The following HHIPL2 variants were observed in gnomAD, a reference collection of about 807,000 sequenced individuals.
HHIPL2 encodes HHIP like 2, also known as HHIP-like protein 2.
Under a neutral mutation model 61.0 loss-of-function variants are expected in HHIPL2, and 61 were observed. That is an observed-to-expected ratio of 1.00 (90% CI 0.81 to 1.24). HHIPL2 has a LOEUF of 1.24. Among genes scored for constraint, HHIPL2 ranks in the 50% most tolerant of loss-of-function variants. The pLI is 0.00. For missense variants in HHIPL2, 885 were observed against 910.2 expected, an observed-to-expected ratio of 0.97 and a Z score of 0.36; for synonymous variants, 343 against 357.4, an observed-to-expected ratio of 0.96 and a Z score of 0.45.
Position 222,542,027 on chromosome 1 carries a change from C to T in HHIPL2, c.1103G>A (p.Gly368Glu). 1 of 1,612,948 alleles carries T rather than the reference C, an allele frequency of 6.2e-7. No individual in the cohort carries two copies. Among genetic ancestry groups the T allele is most frequent in the Non-Finnish European group, 8.5e-7 (1 of 1,179,770 alleles). Reference sequence around the variant, plus strand: ...TCCAGCTTACTTGTTCTGAGCATTTCCAAACAGGCCAAAGGGATCTCCAGC... The same window carrying T: ...TCCAGCTTACTTGTTCTGAGCATTTTCAAACAGGCCAAAGGGATCTCCAGC... Reference protein sequence around the residue: ...GQAGDPFGLFGNAQNKSSLLG... With the variant: ...GQAGDPFGLFENAQNKSSLLG... The change falls in exon 3 of 9, where the codon GGA becomes GAA. Residue 368 changes from glycine (G) to glutamate (E), a missense_variant. Gly to Glu is a moderately conservative substitution (Grantham distance 98). Transcript: ENST00000343410.
At position 222,543,692 on chromosome 1, in the gene HHIPL2, G is replaced by A; in HGVS notation, c.819C>T (p.Gly273=). The change falls in exon 2 of 9, where the codon GGC becomes GGT. Residue 273 remains glycine, a synonymous_variant. Transcript: ENST00000343410. ...TGGGGTGAAAAGCCAACCCCAAGAAGCCTCTCTCATCCCCGATCCATGGGG... is the reference window on the plus strand; with the variant it reads ...TGGGGTGAAAAGCCAACCCCAAGAAACCTCTCTCATCCCCGATCCATGGGG... ...LTTPWIGDER[G]FLGLAFHPKF... is the part of the protein sequence containing the mutation. 1 of 1,614,162 alleles carries A rather than the reference G, an allele frequency of 6.2e-7. No homozygotes were observed.
At chr1:222,533,221 T>G (rs1659229218) in intron 5 of HHIPL2, among the ~76,000 whole-genome samples, 1 of 151,900 alleles carries the variant, frequency 6.6e-6, no homozygotes, top group African/African-American at 2.4e-5. Context: ...AAAAATTAGC[T>G]GGGCGTGGTG....
rs770709898 is a variant in HHIPL2, at chr1:222,532,124, T to C, written c.1578-13A>G. The C allele has an allele frequency of 6.2e-7, 1 of 1,608,262 alleles. No individual in the cohort carries two copies. Reference sequence around the variant, plus strand: ...AGCCATAAGTCGACTAGACAAAAAATAAACCCTTATGTTTAGGAATCCATA... The same window carrying C: ...AGCCATAAGTCGACTAGACAAAAAACAAACCCTTATGTTTAGGAATCCATA... On this transcript the variant is annotated splice_polypyrimidine_tract_variant and intron_variant, in intron 5 of 8. Coordinates refer to ENST00000343410, the MANE Select transcript of HHIPL2 (RefSeq NM_024746.4).
At chr1:222,526,865 G>A (rs946678987) in intron 7 of HHIPL2, 104 bp downstream of exon 7, 17 of 845,216 alleles carry the variant, frequency 2.0e-5, no homozygotes, top group Non-Finnish European at 3.2e-5. Flanking sequence ...TTTTCATCTA[G>A]AACATGAGTT....
chr1:222,538,555 C>A, intron 5 of HHIPL2, 93 bp downstream of exon 5: 1 of 1,162,214 alleles, frequency 8.6e-7, no homozygotes, highest in South Asian at 1.4e-5. Context: ...AACACCTGTG[C>A]TCTTACGTGA....
At chr1:222,543,446 A>G in intron 2 of HHIPL2, 91 bp downstream of exon 2, 1 of 1,268,124 alleles carries the variant, frequency 7.9e-7, no homozygotes, top group Non-Finnish European at 1.1e-6. Context: ...GTGCTCTAAA[A>G]CCAGTGAAGT....
intron 1 of HHIPL2, among the ~76,000 whole-genome samples, chr1:222,546,047 A>AAAATGAATAAATAAATAAAT (rs1553271592): frequency 7.1e-6 from 1 of 141,280 alleles, no homozygotes; most frequent in Admixed American, 7.1e-5. Flanking sequence ...TCTGTCTCAA[A>AAAATGAATAAATAAATAAAT]AAATAAATAA....
chr1:222,540,028 A>G lies in HHIPL2; in HGVS notation c.1432T>C (p.Cys478Arg), dbSNP rs139258112. The change falls in exon 4 of 9, where the codon TGT becomes CGT. Residue 478 changes from cysteine (C) to arginine (R), a missense_variant. Cys to Arg is a radical substitution (Grantham distance 180, BLOSUM62 -3). Coordinates refer to ENST00000343410, the MANE Select transcript of HHIPL2 (RefSeq NM_024746.4). The stretch of plus-strand genomic sequence containing the variant: ...TACTTACCCAAAGAGGCATTGTGAC[A>G]AAGTTTTTTGTCATAACATGCAAAC... ...EGFACYDKKL[C>R]HNASLDDVLP... 2.2e-5 allele frequency: 36 copies of G among 1,613,844 alleles called. No individual in the cohort carries two copies. The highest frequency in any genetic ancestry group is 3.1e-5 in the Non-Finnish European group (36 of 1,179,842).
intron 6 of HHIPL2, among the ~76,000 whole-genome samples, chr1:222,531,485 C>T (rs1015960673): frequency 2.0e-5 from 3 of 152,224 alleles, no homozygotes; most frequent in East Asian, 1.9e-4. Context: ...CGGTGGCTCA[C>T]GCCTGTAATC....
chr1:222,546,587 A>G (rs1054524389), intron 1 of HHIPL2, among the ~76,000 whole-genome samples: 1 of 152,218 alleles, frequency 6.6e-6, no homozygotes, highest in Admixed American at 6.5e-5. Context: ...ACCAGGGATG[A>G]TCTCAGAAAT....
rs190285495 is a variant in HHIPL2 at position 222,525,948 on chromosome 1, G to A, written c.1805+1021C>T. ...CAGGAGGCAGAGGTTGCAGTGAGCC[G>A]AGATCGTGTCACTGCAGTCCAGCCT... On this transcript the variant is annotated intron_variant, in intron 7 of 8. Coordinates refer to ENST00000343410, the MANE Select transcript of HHIPL2 (RefSeq NM_024746.4). Among the ~76,000 whole-genome samples, 667 of 152,152 alleles carry A rather than the reference G, an allele frequency of 4.4e-3. 4 individuals carry two copies. Among genetic ancestry groups the A allele is most frequent in the Admixed American group, 7.9e-3 (121 of 15,288 alleles).
chr1:222,541,797 C>A (rs35455442), intron 3 of HHIPL2, among the ~76,000 whole-genome samples: 50,249 of 152,016 alleles, frequency 0.33, 8,722 homozygotes, highest in East Asian at 0.51. Flanking sequence ...CTTTACATAA[C>A]ACTCTGACAG....
intron 2 of HHIPL2, 23 bp downstream of exon 2, chr1:222,543,514 A>G (rs1472411912): frequency 6.3e-7 from 1 of 1,593,920 alleles, no homozygotes; most frequent in East Asian, 2.2e-5. Context: ...GTACAGCTGT[A>G]GGCTCTCATG....
At chr1:222,527,105 C>CA in intron 6 of HHIPL2, 55 bp from the exon 7 acceptor site, 2 of 1,364,594 alleles carry the variant, frequency 1.5e-6, no homozygotes, top group East Asian at 2.3e-5. Context: ...CACTGAGACA[C>CA]AGAGTTGGAT....
At position 222,544,221 on chromosome 1, in the gene HHIPL2, T is replaced by G. The variant is rs758459341; in HGVS notation, c.322-32A>C. The G allele has an allele frequency of 1.3e-5, 20 of 1,581,022 alleles. 1 individual carries two copies. The South Asian group carries it at 2.3e-4, about 18-fold the overall frequency. Reference sequence around the variant, plus strand: ...AAGAACGCGGAGCTCAGGCTCAGCATCAGACCTGCCACACCGGCACTTGTC... The same window carrying G: ...AAGAACGCGGAGCTCAGGCTCAGCAGCAGACCTGCCACACCGGCACTTGTC... On this transcript the variant is annotated intron_variant, in intron 1 of 8. Coordinates refer to ENST00000343410, the MANE Select transcript of HHIPL2 (RefSeq NM_024746.4).
intron 5 of HHIPL2, 100 bp from the exon 6 acceptor site, chr1:222,532,211 T>A: frequency 9.4e-7 from 1 of 1,064,488 alleles, no homozygotes; most frequent in Non-Finnish European, 1.3e-6. Flanking sequence ...TAGGACTGAG[T>A]CCCCCATTAA....
chr1:222,537,559 G>A (rs1236095657), intron 5 of HHIPL2, among the ~76,000 whole-genome samples: 2 of 151,236 alleles, frequency 1.3e-5, no homozygotes, highest in Non-Finnish European at 1.5e-5. Context: ...TGAACCCCGG[G>A]AGGTGGAGCT....
At chr1:222,525,542 C>A (rs1458193250) in intron 7 of HHIPL2, among the ~76,000 whole-genome samples, 1 of 152,168 alleles carries the variant, frequency 6.6e-6, no homozygotes, top group Non-Finnish European at 1.5e-5. Context: ...CTGGCCCCCC[C>A]AAGCCCTAAC....
rs760393511 is a variant in HHIPL2 at position 222,522,756 on chromosome 1, T to G, written c.2020A>C (p.Ser674Arg). ...GGCCCTCGCAATGTATTCTTGCTGC[T>G]TGTAGGAGAAGCCAGCTTCTTGGAG... is the stretch of plus-strand genomic sequence containing the variant. ...GSSKKLASPT[S>R]SKNTLRGPGT... The change falls in exon 9 of 9, where the codon AGC (serine) becomes CGC (arginine). Residue 674 changes from serine to arginine, a missense_variant. Coordinates refer to ENST00000343410, the MANE Select transcript of HHIPL2 (RefSeq NM_024746.4). 4 of 1,614,150 alleles carry G rather than the reference T, an allele frequency of 2.5e-6. No individual in the cohort carries two copies. The highest frequency in any genetic ancestry group is 3.4e-6 in the Non-Finnish European group (4 of 1,180,040).
Sources: allele counts gnomAD v4.1 joint callset (sites outside exome capture counted in the v4.1 genomes callset), GRCh38; gene constraint gnomAD v4.1.1; transcripts MANE v1.5; gene names NCBI Gene and HGNC (gene_info 2026-07-23, HGNC 2026-07-21).